Variants in HTR2C observed in about 807,000 individuals in gnomAD.
The protein encoded by HTR2C is 5-hydroxytryptamine receptor 2C, also known as 5-hydroxytryptamine (serotonin) receptor 2C, G protein-coupled.
In HTR2C, 5 loss-of-function variants were observed where a neutral mutation model predicts 21.0. That is an observed-to-expected ratio of 0.24 (90% confidence interval 0.12 to 0.50). The LOEUF is 0.50. Ranked by LOEUF, HTR2C falls within the 20% of genes least tolerant of loss-of-function variation. The probability of loss-of-function intolerance (pLI) is 0.98; values close to 1 mark genes in which losing one functional copy is unlikely to be tolerated. For synonymous variants in HTR2C, 150 were observed against 145.3 expected (o/e 1.03, Z -0.23); for missense variants, 271 against 371.2 (o/e 0.73, Z 2.22).
chrX:114,735,551 G>A (rs1239378976), intron 4 of HTR2C, among the ~76,000 whole-genome samples: 1 of 110,478 alleles, frequency 9.1e-6, no homozygotes, highest in Non-Finnish European at 1.9e-5. Flanking sequence ...TGGAAACAAT[G>A]CAACCAAAAA....
chrX:114,706,980 G>A (rs1230068904), intron 2 of HTR2C, among the ~76,000 whole-genome samples: 1 of 110,769 alleles, frequency 9.0e-6, no homozygotes, highest in Non-Finnish European at 1.9e-5. Context: ...AGATTGTAAG[G>A]TTTGTCCAGA....
Position 114,907,664 on chromosome X carries a change from G to C in HTR2C, c.*249G>C, listed in dbSNP as rs2071386257. The C allele has an allele frequency of 3.5e-6, 1 of 283,345 alleles. No individual in the cohort carries two copies. Among genetic ancestry groups the C allele is most frequent in the African/African-American group, 2.8e-5 (1 of 35,959 alleles). The allele number at this position is 283,345 out of a possible 1,213,427, so 23.4% of individuals were successfully genotyped here. A position where few individuals can be genotyped will look rare whatever the true frequency, so the allele number is the denominator to read the frequency against. ...TTTGATGAATAAAATGTTTATTTTT[G>C]CTCTCCCTCCCTTCTTTCCTTCCTT... On this transcript the variant is annotated 3_prime_UTR_variant, in exon 6 of 6. Transcript: ENST00000276198.
rs1259784569 is a variant in HTR2C, at chrX:114,748,945, C to A, written c.349+17338C>A. ...ACAGGATTGAGCCAATGAAGAAAAG[C>A]CACAGATTGATAAAGAATATTCAGC... On this transcript the variant is annotated intron_variant, in intron 4 of 5. Coordinates refer to ENST00000276198, the MANE Select transcript of HTR2C (RefSeq NM_000868.4). Among the ~76,000 whole-genome samples, 9 of 111,187 alleles carry A rather than the reference C, an allele frequency of 8.1e-5. No individual in the cohort carries two copies. In the Admixed American group the frequency reaches 8.6e-4, roughly 11 times the overall value.
chrX:114,676,891 T>C (rs1931581256), intron 2 of HTR2C, among the ~76,000 whole-genome samples: 1 of 112,175 alleles, frequency 8.9e-6, no homozygotes, highest in African/African-American at 3.2e-5. Flanking sequence ...ATTCAAGGGA[T>C]AGAAGGAAAG....
chrX:114,882,269 A>G (rs1556479990), intron 5 of HTR2C, among the ~76,000 whole-genome samples: 1 of 110,746 alleles, frequency 9.0e-6, no homozygotes, highest in East Asian at 2.8e-4. Flanking sequence ...GAATTTCTAT[A>G]TACAAGACAT....
intron 4 of HTR2C, among the ~76,000 whole-genome samples, chrX:114,781,015 G>A (rs2070111496): frequency 5.4e-5 from 6 of 111,828 alleles, no homozygotes; most frequent in Non-Finnish European, 1.1e-4. Context: ...TTAATTTTTA[G>A]AAGATCCACT....
At chrX:114,876,693 C>T (rs5988153) in intron 5 of HTR2C, among the ~76,000 whole-genome samples, 4,560 of 109,943 alleles carry the variant, frequency 0.041, 241 homozygotes, top group African/African-American at 0.14. Context: ...CTATTGAGAT[C>T]GATCATATTT....
At chrX:114,876,422 C>CTTTTTTTTTTTTTTTTT (rs60498146) in intron 5 of HTR2C, among the ~76,000 whole-genome samples, 188 of 62,296 alleles carry the variant, frequency 3.0e-3, no homozygotes, top group East Asian at 4.2e-3. Flanking sequence ...CTTTTTCTTT[C>CTTTTTTTTTTTTTTTTT]TTTTTTTTTT....
chrX:114,615,329 G>A (rs1314068918), intron 2 of HTR2C, among the ~76,000 whole-genome samples: 1 of 110,718 alleles, frequency 9.0e-6, no homozygotes, highest in Non-Finnish European at 1.9e-5. Context: ...ATATTGAAAA[G>A]AGTTCTTGAT....
At chrX:114,792,073 A>G (rs969597530) in intron 4 of HTR2C, among the ~76,000 whole-genome samples, 2 of 112,169 alleles carry the variant, frequency 1.8e-5, no homozygotes. Context: ...ATTATTGTCC[A>G]GACAAATAAT....
At position 114,909,117 on chromosome X, in the gene HTR2C, C is replaced by G. The variant is rs2071396609; in HGVS notation, c.*1702C>G. The G allele has an allele frequency of 8.9e-6, 1 of 112,775 alleles. No homozygotes were observed. Among genetic ancestry groups the G allele is most frequent in the Non-Finnish European group, 1.9e-5 (1 of 53,322 alleles). 9.3% of individuals were successfully genotyped at this position (112,775 alleles called of 1,213,427 possible). A position where few individuals can be genotyped will look rare whatever the true frequency, so the allele number is the denominator to read the frequency against. On this transcript the variant is annotated 3_prime_UTR_variant, in exon 6 of 6. Transcript: ENST00000276198. ...GGAAGAGCTGCTGTATTTGAGGAAACTCATACAGTCTCTATTTGATTTGCA... is the reference window on the plus strand; with the variant it reads ...GGAAGAGCTGCTGTATTTGAGGAAAGTCATACAGTCTCTATTTGATTTGCA...
intron 4 of HTR2C, among the ~76,000 whole-genome samples, chrX:114,757,237 G>T (rs2069822352): frequency 9.0e-6 from 1 of 110,654 alleles, no homozygotes; most frequent in Non-Finnish European, 1.9e-5. Context: ...TTCTATTATG[G>T]ATTAACTCAG....
chrX:114,883,443 C>G (rs2071197561), intron 5 of HTR2C, among the ~76,000 whole-genome samples: 1 of 110,193 alleles, frequency 9.1e-6, no homozygotes. Flanking sequence ...CTAATCTTTA[C>G]AAGTTTCTTC....
chrX:114,806,422 T>G (rs1280404541), intron 4 of HTR2C, among the ~76,000 whole-genome samples: 1 of 39,792 alleles, frequency 2.5e-5, no homozygotes, highest in Non-Finnish European at 4.4e-5. Context: ...ATATATATAC[T>G]GTATATATAT....
intron 1 of HTR2C, among the ~76,000 whole-genome samples, chrX:114,606,809 T>C (rs1430908415): frequency 9.0e-6 from 1 of 111,304 alleles, no homozygotes; most frequent in Admixed American, 9.5e-5. Flanking sequence ...TGTGTCCGTG[T>C]GAAGAGACCA....
At chrX:114,620,549 G>A (rs1388638338) in intron 2 of HTR2C, among the ~76,000 whole-genome samples, 1 of 110,550 alleles carries the variant, frequency 9.0e-6, no homozygotes, top group Non-Finnish European at 1.9e-5. Flanking sequence ...TATATATATT[G>A]AATATATATG....
chrX:114,743,344 A>T (rs782514196), intron 4 of HTR2C, among the ~76,000 whole-genome samples: 3 of 111,729 alleles, frequency 2.7e-5, no homozygotes, highest in African/African-American at 9.7e-5. Context: ...TAGTTCAACC[A>T]TTGTAAAGCA....
chrX:114,623,117 C>A (rs1486404465), intron 2 of HTR2C, among the ~76,000 whole-genome samples: 1 of 111,736 alleles, frequency 8.9e-6, no homozygotes, highest in African/African-American at 3.3e-5. Flanking sequence ...TGCTCCATGC[C>A]AGGCACTATT....
At chrX:114,852,506 C>T (rs1325203615) in intron 5 of HTR2C, among the ~76,000 whole-genome samples, 1 of 110,165 alleles carries the variant, frequency 9.1e-6, no homozygotes, top group African/African-American at 3.3e-5. Context: ...CAAATTAATA[C>T]TTTGTTTTGC....
Sources: gnomAD v4.1 joint callset for allele counts (sites outside exome capture counted in the v4.1 genomes callset) on GRCh38, gnomAD v4.1.1 for gene constraint, MANE v1.5 for transcripts, NCBI Gene and HGNC (gene_info 2026-07-23, HGNC 2026-07-21) for gene names.